PHACTR1: variants seen among roughly 807,000 people sequenced by gnomAD.
The protein encoded by PHACTR1 is RPEL repeat containing 1.
A neutral mutation model predicts 69.2 loss-of-function variants in PHACTR1; 16 were observed. That is an observed-to-expected ratio of 0.23 (90% CI 0.16 to 0.35). PHACTR1 has a LOEUF of 0.35. Among genes scored for constraint, PHACTR1 ranks in the 10% least tolerant of loss-of-function variants. PHACTR1 has a pLI of 1.00. For synonymous variants in PHACTR1, 312 were observed against 284.5 expected, an observed-to-expected ratio of 1.10 and a Z score of -0.97; for missense variants, 510 against 734.7, an observed-to-expected ratio of 0.69 and a Z score of 3.54.
chr6:12,825,798 C>A (rs562280079), intron 4 of PHACTR1, among the ~76,000 whole-genome samples: 18 of 152,334 alleles, frequency 1.2e-4, no homozygotes, highest in African/African-American at 3.6e-4. Flanking sequence ...TGCTAGGGTA[C>A]TGCCTTTCCT....
chr6:13,189,386 T>C (rs763674124), intron 7 of PHACTR1, among the ~76,000 whole-genome samples: 4 of 151,992 alleles, frequency 2.6e-5, no homozygotes, highest in Non-Finnish European at 5.9e-5. Context: ...TCCACCAAAA[T>C]TCCCACCCCC....
At chr6:12,997,931 C>T (rs537705521) in intron 4 of PHACTR1, among the ~76,000 whole-genome samples, 3 of 151,970 alleles carry the variant, frequency 2.0e-5, no homozygotes, top group South Asian at 2.1e-4. Context: ...CCAGCCTGGG[C>T]GACAGAGCCA....
intron 4 of PHACTR1, among the ~76,000 whole-genome samples, chr6:12,786,265 T>A (rs1771530177): frequency 6.6e-6 from 1 of 152,234 alleles, no homozygotes; most frequent in Admixed American, 6.5e-5. Context: ...TTCTCTTTTA[T>A]CTCGTGTTTC....
chr6:13,038,647 G>C (rs4131857), intron 4 of PHACTR1, among the ~76,000 whole-genome samples: 127,886 of 152,186 alleles, frequency 0.84, 53,941 homozygotes, highest in East Asian at 0.99. Context: ...TTTGTATAAA[G>C]TCAGGCAAGT....
chr6:12,867,667 T>C (rs1289647468), intron 4 of PHACTR1, among the ~76,000 whole-genome samples: 1 of 152,212 alleles, frequency 6.6e-6, no homozygotes, highest in African/African-American at 2.4e-5. Context: ...GCCTAATACA[T>C]AGCAGCACTT....
At chr6:13,019,529 C>T (rs758428490) in intron 4 of PHACTR1, among the ~76,000 whole-genome samples, 21 of 152,188 alleles carry the variant, frequency 1.4e-4, no homozygotes, top group Non-Finnish European at 2.5e-4. Context: ...TTTCAATCAC[C>T]AGCAATTCAA....
At chr6:13,172,712 A>T (rs935911246) in intron 6 of PHACTR1, among the ~76,000 whole-genome samples, 3 of 152,250 alleles carry the variant, frequency 2.0e-5, no homozygotes, top group African/African-American at 7.2e-5. Flanking sequence ...TTAAAATCAA[A>T]ATAGGATAAT....
intron 12 of PHACTR1, among the ~76,000 whole-genome samples, chr6:13,282,438 C>T (rs1780491398): frequency 1.3e-5 from 2 of 152,172 alleles, no homozygotes; most frequent in African/African-American, 4.8e-5. Context: ...TTACTTGCTT[C>T]ATCCCTCATT....
At chr6:13,015,985 C>A (rs1800123698) in intron 4 of PHACTR1, among the ~76,000 whole-genome samples, 1 of 152,160 alleles carries the variant, frequency 6.6e-6, no homozygotes, top group Non-Finnish European at 1.5e-5. Flanking sequence ...ATTTAATCAC[C>A]AAAATGGAGT....
chr6:12,870,701 C>T (rs1386610030), intron 4 of PHACTR1, among the ~76,000 whole-genome samples: 1 of 152,166 alleles, frequency 6.6e-6, no homozygotes, highest in Non-Finnish European at 1.5e-5. Context: ...TACGTTAAGC[C>T]TCTCCTTCTG....
chr6:13,071,639 T>C (rs1464155400), intron 5 of PHACTR1, among the ~76,000 whole-genome samples: 1 of 152,200 alleles, frequency 6.6e-6, no homozygotes, highest in Admixed American at 6.5e-5. Context: ...ACTATTGTAA[T>C]GTTTGGTCTA....
intron 4 of PHACTR1, among the ~76,000 whole-genome samples, chr6:12,927,143 G>A (rs1309623614): frequency 6.6e-6 from 1 of 152,238 alleles, no homozygotes; most frequent in African/African-American, 2.4e-5. Context: ...GCTGAACAAG[G>A]ACACCTAGCC....
At chr6:12,938,032 G>A (rs1789654023) in intron 4 of PHACTR1, among the ~76,000 whole-genome samples, 2 of 152,046 alleles carry the variant, frequency 1.3e-5, no homozygotes, top group Admixed American at 6.5e-5. Flanking sequence ...CCTAGGAGGT[G>A]GAGGTTGCAG....
chr6:13,138,509 T>G (rs1278828890), intron 5 of PHACTR1, among the ~76,000 whole-genome samples: 1 of 152,236 alleles, frequency 6.6e-6, no homozygotes, highest in African/African-American at 2.4e-5. Context: ...GGGACATGGC[T>G]TTGAGCTGCT....
At chr6:12,948,856 C>A (rs1477135986) in intron 4 of PHACTR1, among the ~76,000 whole-genome samples, 2 of 152,156 alleles carry the variant, frequency 1.3e-5, no homozygotes, top group Non-Finnish European at 2.9e-5. Flanking sequence ...TACTTCCAAG[C>A]ATTTATAGCT....
chr6:13,050,146 A>C (rs1025639717), intron 4 of PHACTR1, among the ~76,000 whole-genome samples: 1 of 152,194 alleles, frequency 6.6e-6, no homozygotes, highest in African/African-American at 2.4e-5. Context: ...ATTGTTGAAG[A>C]AGCACCAATT....
intron 10 of PHACTR1, among the ~76,000 whole-genome samples, chr6:13,238,304 G>A (rs573803243): frequency 1.4e-4 from 22 of 152,266 alleles, no homozygotes; most frequent in South Asian, 6.2e-4. Flanking sequence ...CTTCGTAAAG[G>A]ACCGAAATTC....
chr6:13,048,820 C>T (rs1805498228), intron 4 of PHACTR1, among the ~76,000 whole-genome samples: 1 of 152,232 alleles, frequency 6.6e-6, no homozygotes, highest in African/African-American at 2.4e-5. Context: ...GCGTGAGCCA[C>T]CGCACCAAGC....
intron 5 of PHACTR1, among the ~76,000 whole-genome samples, chr6:13,069,893 C>A (rs1220479603): frequency 6.6e-6 from 1 of 152,116 alleles, no homozygotes; most frequent in African/African-American, 2.4e-5. Flanking sequence ...TCAATAATTG[C>A]CAGTTAGAAA....
Sources: gnomAD v4.1 joint callset for allele counts (sites outside exome capture counted in the v4.1 genomes callset) on GRCh38, gnomAD v4.1.1 for gene constraint, MANE v1.5 for transcripts, NCBI Gene and HGNC (gene_info 2026-07-23, HGNC 2026-07-21) for gene names.